The following KRI1 variants were observed in gnomAD, a reference collection of about 807,000 sequenced individuals.
KRI1 encodes protein KRI1 homolog.
KRI1 carries 83 observed loss-of-function variants against 97.0 expected under a neutral mutation model. The observed-to-expected ratio is 0.86, with a 90% CI of 0.72 to 1.03. The LOEUF (loss-of-function observed/expected upper bound fraction) is 1.03. Among genes scored for constraint, KRI1 ranks in the 50% least tolerant of loss-of-function variants. The pLI is 0.00. For synonymous variants in KRI1, 371 were observed against 363.5 expected, an observed-to-expected ratio of 1.02 and a Z score of -0.23; for missense variants, 916 against 928.4, an observed-to-expected ratio of 0.99 and a Z score of 0.17.
Position 10,561,247 on chromosome 19 carries a change from C to T in KRI1, c.507G>A (p.Glu169=). The change falls in exon 7 of 19, where the codon GAG becomes GAA. Residue 169 remains glutamate, a synonymous_variant. Transcript: ENST00000312962. ...QLKESFRAFV[E]DSEDEDGAGE... ...CAGCGCCGTCCTCGTCCTCACTGTC[C>T]TCCACAAATGCCCGGAAGCTGCCCA... The T allele has an allele frequency of 1.9e-6, 3 of 1,614,120 alleles. No homozygotes were observed. Among genetic ancestry groups the T allele is most frequent in the South Asian group, 2.2e-5 (2 of 91,076 alleles).
At position 10,553,200 on chromosome 19, in the gene KRI1, T is replaced by C; in HGVS notation, c.*751A>G. The C allele has an allele frequency of 8.7e-7, 1 of 1,144,986 alleles. No homozygotes were observed. Among genetic ancestry groups the C allele is most frequent in the South Asian group, 1.6e-5 (1 of 62,310 alleles). The allele number at this position is 1,144,986 out of a possible 1,614,324, so 70.9% of individuals were successfully genotyped here. A position where few individuals can be genotyped will look rare whatever the true frequency, so the allele number is the denominator to read the frequency against. The stretch of plus-strand genomic sequence containing the variant: ...GCCCCTCAAGCCCAGCTGCAACCAG[T>C]CTGGGGCCATTCAGCCAGGGACAGA... On this transcript the variant is annotated 3_prime_UTR_variant, in exon 19 of 19. Transcript: ENST00000312962.
Position 10,554,511 on chromosome 19 carries a change from C to T in KRI1, c.1782-230G>A, listed in dbSNP as rs117553516. On this transcript the variant is annotated intron_variant, in intron 18 of 18. Coordinates refer to ENST00000312962, the MANE Select transcript of KRI1 (RefSeq NM_023008.5). ...GAGGATTCTGGTATTTGTGCCTGGG[C>T]CTGCCCTAAGCTAGTCACATCAATT... is the stretch of plus-strand genomic sequence containing the variant. 1.3e-3 allele frequency among the ~76,000 whole-genome samples: 205 copies of T among 152,308 alleles called. 4 individuals are homozygous for T. The East Asian group carries it at 0.034, about 25-fold the overall frequency.
chr19:10,559,887 C>T lies in KRI1; in HGVS notation c.850G>A (p.Gly284Arg), dbSNP rs1223521514. 6.2e-7 allele frequency: 1 copy of T among 1,613,578 alleles called. No individual in the cohort carries two copies. The highest frequency in any genetic ancestry group is 1.1e-5 in the South Asian group (1 of 91,078). The change falls in exon 10 of 19, where the codon GGG becomes AGG. Residue 284 changes from glycine to arginine, a missense_variant. By Grantham distance (125) the Gly-to-Arg change is moderately radical. Transcript: ENST00000312962. ...TCCTGTTTCTTCAGAAACAGCTCCCCTTCGTCTGAGGAGTCGTCCACAGCC... is the reference window on the plus strand; with the variant it reads ...TCCTGTTTCTTCAGAAACAGCTCCCTTTCGTCTGAGGAGTCGTCCACAGCC... ...QLAVDDSSDEGELFLKKQEDF... is the reference protein window; with the variant it reads ...QLAVDDSSDERELFLKKQEDF...
rs985973408 is a variant in KRI1 at position 10,561,241 on chromosome 19, A to C, written c.513T>G (p.Ser171Arg). Residue 171 changes from serine (S) to arginine (R), a missense_variant, in exon 7 of 19, where the codon AGT becomes AGG. Coordinates refer to ENST00000312962, the MANE Select transcript of KRI1 (RefSeq NM_023008.5). ...KESFRAFVED[S>R]EDEDGAGEGG... ...CCTCCCCAGCGCCGTCCTCGTCCTC[A>C]CTGTCCTCCACAAATGCCCGGAAGC... 2 of 1,613,940 alleles carry C rather than the reference A, an allele frequency of 1.2e-6. No homozygotes were observed. Among genetic ancestry groups the C allele is most frequent in the Non-Finnish European group, 1.7e-6 (2 of 1,179,988 alleles).
At chr19:10,555,058 C>A (rs1916455381) in intron 18 of KRI1, 29 bp downstream of exon 18, 1 of 1,583,916 alleles carries the variant, frequency 6.3e-7, no homozygotes, top group Non-Finnish European at 8.7e-7. Flanking sequence ...AGGCTCCCCA[C>A]CCACGCTTCC....
At chr19:10,565,640 C>G in intron 2 of KRI1, 77 bp downstream of exon 2, 4 of 1,484,120 alleles carry the variant, frequency 2.7e-6, no homozygotes, top group African/African-American at 1.4e-5. Context: ...GGGGTTCCCC[C>G]CCGTCTACAT....
At position 10,557,840 on chromosome 19, in the gene KRI1, A is replaced by C. The variant is rs766505224; in HGVS notation, c.1415T>G (p.Leu472Trp). Residue 472 changes from leucine (L) to tryptophan (W), a missense_variant, in exon 15 of 19, where the codon TTG becomes TGG. By Grantham distance (61) the Leu-to-Trp change is moderately conservative. Around this residue, in one of 3 missense-constraint regions of KRI1, gnomAD observed 672 missense variants for 667.2 expected, o/e 1.01. Coordinates refer to ENST00000312962, the MANE Select transcript of KRI1 (RefSeq NM_023008.5). ...QPRKKKREAP[L>W]TGKKKRKSPF... ...CGACTTGCGCTTCTTCTTGCCCGTC[A>C]AGGGGGCCTCGCGCTTTTTCTTCCT... is the stretch of plus-strand genomic sequence containing the variant. The C allele has an allele frequency of 3.7e-6, 6 of 1,613,462 alleles. No individual in the cohort carries two copies. In the Admixed American group the frequency reaches 1.0e-4, roughly 27 times the overall value.
At position 10,560,334 on chromosome 19, in the gene KRI1, C is replaced by T; in HGVS notation, c.778G>A (p.Glu260Lys). 1 of 1,612,350 alleles carries T rather than the reference C, an allele frequency of 6.2e-7. No homozygotes were observed. Among genetic ancestry groups the T allele is most frequent in the Non-Finnish European group, 8.5e-7 (1 of 1,179,224 alleles). ...CACCCCTCCTCTTCCTCCATTTCCT[C>T]TTCATCTTCCTCCTCCTCTTCCTCC... is the stretch of plus-strand genomic sequence containing the variant. ...EEEEEEEEDE[E>K]EMEEEEGVHG... The change falls in exon 9 of 19, where the codon GAG becomes AAG. Residue 260 changes from glutamate to lysine, a missense_variant. Glu to Lys is a moderately conservative substitution (Grantham distance 56). This residue lies in a region of KRI1 where 672 missense variants were observed against 667.2 expected (regional missense o/e 1.01). Transcript: ENST00000312962.
intron 16 of KRI1, among the ~76,000 whole-genome samples, chr19:10,555,802 A>G (rs751298227): frequency 2.3e-4 from 35 of 152,228 alleles, no homozygotes; most frequent in Non-Finnish European, 3.5e-4. Flanking sequence ...AGCTTAGTAC[A>G]CATCGGCTAT....
intron 18 of KRI1, 111 bp from the exon 19 acceptor site, chr19:10,554,392 G>T: frequency 1.1e-6 from 1 of 938,380 alleles, no homozygotes; most frequent in Non-Finnish European, 1.6e-6. Context: ...TGAAGCAGCC[G>T]CACAGCGACC....
rs1488471219 is a variant in KRI1, at chr19:10,553,201, C to T, written c.*750G>A. 42 of 1,152,740 alleles carry T rather than the reference C, an allele frequency of 3.6e-5. No individual in the cohort carries two copies. Among genetic ancestry groups the T allele is most frequent in the Admixed American group, 2.8e-4 (10 of 36,314 alleles). 71.4% of individuals were successfully genotyped at this position (1,152,740 alleles called of 1,614,324 possible). A position where few individuals can be genotyped will look rare whatever the true frequency, so the allele number is the denominator to read the frequency against. On this transcript the variant is annotated 3_prime_UTR_variant, in exon 19 of 19. Transcript: ENST00000312962. Reference sequence around the variant, plus strand: ...CCCCTCAAGCCCAGCTGCAACCAGTCTGGGGCCATTCAGCCAGGGACAGAG... The same window carrying T: ...CCCCTCAAGCCCAGCTGCAACCAGTTTGGGGCCATTCAGCCAGGGACAGAG...
intron 3 of KRI1, 55 bp downstream of exon 3, chr19:10,564,874 G>GGT: frequency 8.9e-7 from 1 of 1,121,914 alleles, no homozygotes; most frequent in Non-Finnish European, 1.4e-6. Context: ...GTCAGGAAAG[G>GGT]ACCCCGGATT....
At position 10,557,802 on chromosome 19, in the gene KRI1, C is replaced by A; in HGVS notation, c.1453G>T (p.Ala485Ser). Residue 485 changes from alanine to serine, a missense_variant, in exon 15 of 19, where the codon GCC (alanine) becomes TCC (serine). This residue lies in a region of KRI1 where 672 missense variants were observed against 667.2 expected (regional missense o/e 1.01). Transcript: ENST00000312962. The part of the protein sequence containing the change: ...KKKRKSPFAA[A>S]VGQEKPVFEP... Reference sequence around the variant, plus strand: ...AACACGGGCTTCTCCTGCCCCACGGCCGCGGCGAAGGGCGACTTGCGCTTC... The same window carrying A: ...AACACGGGCTTCTCCTGCCCCACGGACGCGGCGAAGGGCGACTTGCGCTTC... The A allele has an allele frequency of 1.9e-6, 3 of 1,613,434 alleles. No individual in the cohort carries two copies. Among genetic ancestry groups the A allele is most frequent in the Non-Finnish European group, 2.5e-6 (3 of 1,179,930 alleles).
rs1449336276 is a variant in KRI1 at position 10,553,446 on chromosome 19, T to G, written c.*505A>C. Reference sequence around the variant, plus strand: ...GTGGGTGTGGCTGGGCGCAGCGTTCTGAGGGGATGTGGGGTCTGGGAGGTG... The same window carrying G: ...GTGGGTGTGGCTGGGCGCAGCGTTCGGAGGGGATGTGGGGTCTGGGAGGTG... On this transcript the variant is annotated 3_prime_UTR_variant, in exon 19 of 19. Coordinates refer to ENST00000312962, the MANE Select transcript of KRI1 (RefSeq NM_023008.5). The G allele has an allele frequency of 9.6e-6, 2 of 208,906 alleles. No homozygotes were observed. Among genetic ancestry groups the G allele is most frequent in the Non-Finnish European group, 1.9e-5 (2 of 103,684 alleles). 12.9% of individuals were successfully genotyped at this position (208,906 alleles called of 1,614,324 possible). A position where few individuals can be genotyped will look rare whatever the true frequency, so the allele number is the denominator to read the frequency against.
intron 16 of KRI1, 58 bp downstream of exon 16, chr19:10,557,494 T>C (rs546700841): frequency 8.5e-5 from 134 of 1,567,978 alleles, no homozygotes; most frequent in Non-Finnish European, 1.1e-4. Flanking sequence ...GCCAGCTTTC[T>C]ACCCCTTCGG....
chr19:10,559,613 C>A lies in KRI1; in HGVS notation c.1023G>T (p.Arg341Ser), dbSNP rs752543948. Residue 341 changes from arginine to serine, a missense_variant and splice_region_variant, in exon 11 of 19, where the codon AGG becomes AGT. This residue lies in a region of KRI1 where 672 missense variants were observed against 667.2 expected (regional missense o/e 1.01). Transcript: ENST00000312962. ...KREETRERKK[R>S]EKAKKQEELK... is the part of the protein sequence containing the mutation. ...TCCCCAGCTCACCCCCCACACTCAC[C>A]CTCTTCTTTCGCTCCCGAGTCTCTT... is the stretch of plus-strand genomic sequence containing the variant. The A allele has an allele frequency of 4.3e-6, 7 of 1,613,906 alleles. No homozygotes were observed. The Admixed American group carries it at 1.2e-4, about 27-fold the overall frequency.
chr19:10,557,859 T>C lies in KRI1; in HGVS notation c.1396A>G (p.Lys466Glu), dbSNP rs1470247171. 5 of 1,613,698 alleles carry C rather than the reference T, an allele frequency of 3.1e-6. No homozygotes were observed. In the South Asian group the frequency reaches 3.3e-5, roughly 11 times the overall value. The change falls in exon 15 of 19, where the codon AAA becomes GAA. Residue 466 changes from lysine to glutamate, a missense_variant. This residue lies in a region of KRI1 where 672 missense variants were observed against 667.2 expected (regional missense o/e 1.01). Transcript: ENST00000312962. ...ADYDPSQPRK[K>E]KREAPLTGKK... ...CCCGTCAAGGGGGCCTCGCGCTTTT[T>C]CTTCCTCGGCTGGCTGGGGTCGTAG...
chr19:10,559,832 A>C lies in KRI1; in HGVS notation c.905T>G (p.Phe302Cys). ...CACCGATGCTGAGTCCGGCTCCTCG[A>C]AACGGAAATTGTACTTCTGTTCAAA... ...EDFEQKYNFR[F>C]EEPDSASVKT... The change falls in exon 10 of 19, where the codon TTC (phenylalanine) becomes TGC (cysteine). Residue 302 changes from phenylalanine to cysteine, a missense_variant. Coordinates refer to ENST00000312962, the MANE Select transcript of KRI1 (RefSeq NM_023008.5). 6.2e-7 allele frequency: 1 copy of C among 1,613,900 alleles called. No individual in the cohort carries two copies. The highest frequency in any genetic ancestry group is 8.5e-7 in the Non-Finnish European group (1 of 1,180,008).
rs761901345 is a variant in KRI1, at chr19:10,565,044, G to A, written c.169-10C>T. On this transcript the variant is annotated splice_polypyrimidine_tract_variant and intron_variant, in intron 2 of 18. Transcript: ENST00000312962. The stretch of plus-strand genomic sequence containing the variant: ...GCTGGGGATCAAATTCCTAGGGCAG[G>A]AAAAGGGTTGGGGATAGATTTCAGA... 24 of 1,569,536 alleles carry A rather than the reference G, an allele frequency of 1.5e-5. No homozygotes were observed. The highest frequency in any genetic ancestry group is 2.0e-5 in the Non-Finnish European group (23 of 1,139,644).
Sources: gnomAD v4.1 joint callset for allele counts (sites outside exome capture counted in the v4.1 genomes callset) on GRCh38, gnomAD v4.1.1 for gene constraint, gnomAD v4.1.1 regional missense constraint, MANE v1.5 for transcripts, NCBI Gene and HGNC (gene_info 2026-07-23, HGNC 2026-07-21) for gene names.